Variants in ACTR3 observed in about 807,000 individuals in gnomAD.
ACTR3 encodes actin-related protein 3.
A neutral mutation model predicts 56.8 loss-of-function variants in ACTR3; 12 were observed. That is an observed-to-expected ratio of 0.21 (90% CI 0.14 to 0.34). The LOEUF (loss-of-function observed/expected upper bound fraction) is 0.34. ACTR3 is among the 10% of genes least tolerant of loss of function. The probability of loss-of-function intolerance (pLI) is 1.00; values close to 1 mark genes in which losing one functional copy is unlikely to be tolerated. For missense variants in ACTR3, 282 were observed against 512.5 expected, an observed-to-expected ratio of 0.55 and a Z score of 4.34; for synonymous variants, 162 against 167.4, an observed-to-expected ratio of 0.97 and a Z score of 0.25.
chr2:113,957,345 A>G lies in ACTR3; in HGVS notation c.1162-15A>G, dbSNP rs191610708. The G allele has an allele frequency of 2.5e-6, 4 of 1,597,908 alleles. No individual in the cohort carries two copies. Among genetic ancestry groups the G allele is most frequent in the Middle Eastern group, 1.7e-4 (1 of 6,022 alleles). On this transcript the variant is annotated splice_polypyrimidine_tract_variant and intron_variant, in intron 11 of 11. Coordinates refer to ENST00000263238, the MANE Select transcript of ACTR3 (RefSeq NM_005721.5). ...ATTTTTGACCCTTATAAAAATACATATTTTTTGTTTTCAGCCTGAGTTCTA... is the reference window on the plus strand; with the variant it reads ...ATTTTTGACCCTTATAAAAATACATGTTTTTTGTTTTCAGCCTGAGTTCTA...
chr2:113,912,102 C>T (rs1428989896), intron 1 of ACTR3, among the ~76,000 whole-genome samples: 1 of 152,124 alleles, frequency 6.6e-6, no homozygotes, highest in African/African-American at 2.4e-5. Flanking sequence ...TCTTGAACTC[C>T]TGACCTCAGG....
At chr2:113,916,744 CT>C (rs1211240130) in intron 2 of ACTR3, 139 bp from the exon 3 acceptor site, 4 of 628,826 alleles carry the variant, frequency 6.4e-6, no homozygotes, top group African/African-American at 1.9e-5. Context: ...TTTCTTATGA[CT>C]TTTGTGAATT....
rs1046963160 is a variant in ACTR3 at position 113,962,360 on chromosome 2, A to G, written c.*4905A>G. On this transcript the variant is annotated 3_prime_UTR_variant, in exon 12 of 12. Transcript: ENST00000263238. ...CATGTCCTGAAATGTAACATTCAAC[A>G]TTAACAGTAGAAACAGGCCTCATTT... is the stretch of plus-strand genomic sequence containing the variant. 6.6e-6 allele frequency: 1 copy of G among 151,992 alleles called. No homozygotes were observed. Among genetic ancestry groups the G allele is most frequent in the East Asian group, 1.9e-4 (1 of 5,198 alleles). The allele number at this position is 151,992 out of a possible 1,614,324, so 9.4% of individuals were successfully genotyped here.
Position 113,960,382 on chromosome 2 carries a change from A to G in ACTR3, c.*2927A>G, listed in dbSNP as rs1397452658. The G allele has an allele frequency of 1.3e-5, 2 of 151,866 alleles. No homozygotes were observed. Among genetic ancestry groups the G allele is most frequent in the East Asian group, 3.9e-4 (2 of 5,190 alleles). The allele number at this position is 151,866 out of a possible 1,614,324, so 9.4% of individuals were successfully genotyped here. A position where few individuals can be genotyped will look rare whatever the true frequency, so the allele number is the denominator to read the frequency against. Reference sequence around the variant, plus strand: ...TGTTTTCACAGCTACTTAAAAGATTAAAATAACTATTCTTGCAGATATTTC... The same window carrying G: ...TGTTTTCACAGCTACTTAAAAGATTGAAATAACTATTCTTGCAGATATTTC... On this transcript the variant is annotated 3_prime_UTR_variant, in exon 12 of 12. Transcript: ENST00000263238.
intron 1 of ACTR3, 30 bp downstream of exon 1, chr2:113,890,353 A>G: frequency 2.1e-6 from 3 of 1,438,644 alleles, no homozygotes; most frequent in Non-Finnish European, 2.8e-6. Context: ...GGGGTGGGGA[A>G]ACTGAGGCGG....
chr2:113,948,308 TCC>T (rs1465134532), intron 8 of ACTR3, among the ~76,000 whole-genome samples: 1 of 151,996 alleles, frequency 6.6e-6, no homozygotes, highest in Non-Finnish European at 1.5e-5. Context: ...TGCCACCACT[TCC>T]AGCTAATTTT....
At chr2:113,904,013 C>G (rs1055814974) in intron 1 of ACTR3, 1 of 152,118 alleles carries the variant, frequency 6.6e-6, no homozygotes, top group Non-Finnish European at 1.5e-5. Context: ...CCTGGCACTG[C>G]GCCCGGCTAA....
chr2:113,915,864 A>AT (rs1321720236), intron 2 of ACTR3, among the ~76,000 whole-genome samples: 2 of 152,198 alleles, frequency 1.3e-5, no homozygotes, highest in African/African-American at 4.8e-5. Flanking sequence ...CCCAGTTTTA[A>AT]TGCTGCAGGT....
In ACTR3 at chr2:113,909,243, A is replaced by G. The variant is rs547951263; in HGVS notation, c.45-3929A>G. On this transcript the variant is annotated intron_variant, in intron 1 of 11. Coordinates refer to ENST00000263238, the MANE Select transcript of ACTR3 (RefSeq NM_005721.5). ...ATGCATTTATTCTTGTGTTTTGAGA[A>G]GAGCATTTTTGTTTTGATTACATAT... is the stretch of plus-strand genomic sequence containing the variant. Among the ~76,000 whole-genome samples the G allele has an allele frequency of 2.0e-5, 3 of 152,294 alleles. No individual in the cohort carries two copies. In the South Asian group the frequency reaches 6.2e-4, roughly 32 times the overall value.
intron 1 of ACTR3, among the ~76,000 whole-genome samples, chr2:113,891,505 CAT>C (rs1284013127): frequency 2.7e-5 from 4 of 150,938 alleles, no homozygotes; most frequent in African/African-American, 9.7e-5. Context: ...TTCAGGATGA[CAT>C]ATAGGAAAGT....
intron 8 of ACTR3, chr2:113,950,747 A>G (rs575618978): frequency 6.6e-6 from 1 of 152,330 alleles, no homozygotes; most frequent in Admixed American, 6.5e-5. Flanking sequence ...TGGTATGTGC[A>G]TTTAAAATTT....
rs1574391423 is a variant in ACTR3 at position 113,961,193 on chromosome 2, A to C, written c.*3738A>C. The C allele has an allele frequency of 6.6e-6, 1 of 151,980 alleles. No homozygotes were observed. Among genetic ancestry groups the C allele is most frequent in the South Asian group, 2.1e-4 (1 of 4,830 alleles). 9.4% of individuals were successfully genotyped at this position (151,980 alleles called of 1,614,324 possible). A position where few individuals can be genotyped will look rare whatever the true frequency, so the allele number is the denominator to read the frequency against. ...TCTATGATATGAGAACTTTTATTATAATTTGCCTCAGTCTTGATAGAATCT... is the reference window on the plus strand; with the variant it reads ...TCTATGATATGAGAACTTTTATTATCATTTGCCTCAGTCTTGATAGAATCT... On this transcript the variant is annotated 3_prime_UTR_variant, in exon 12 of 12. Transcript: ENST00000263238.
intron 3 of ACTR3, among the ~76,000 whole-genome samples, chr2:113,926,343 G>A (rs1679619488): frequency 6.6e-6 from 1 of 152,154 alleles, no homozygotes; most frequent in South Asian, 2.1e-4. Flanking sequence ...CTGATGTTGA[G>A]TAACACTATA....
chr2:113,936,244 G>T (rs1182613055), intron 6 of ACTR3, among the ~76,000 whole-genome samples: 2 of 139,160 alleles, frequency 1.4e-5, no homozygotes, highest in South Asian at 4.8e-4. Flanking sequence ...AGTGAGCCAT[G>T]ATCTCACCAC....
chr2:113,933,657 T>C (rs1472379880), intron 5 of ACTR3, among the ~76,000 whole-genome samples: 1 of 151,082 alleles, frequency 6.6e-6, no homozygotes, highest in Non-Finnish European at 1.5e-5. Context: ...GTTTAAGTTC[T>C]GGCAAGTTAG....
At position 113,923,349 on chromosome 2, in the gene ACTR3, TG is replaced by T. The variant is rs558358371; in HGVS notation, c.226-3995del. ...TTGTTTGTTTGTTTGTTTGTTTGTT[TG>T]TTTTTGAGACGGAGCCTGGCTCTGT... On this transcript the variant is annotated intron_variant, in intron 3 of 11. Coordinates refer to ENST00000263238, the MANE Select transcript of ACTR3 (RefSeq NM_005721.5). Among the ~76,000 whole-genome samples the T allele has an allele frequency of 8.3e-3, 290 of 34,752 alleles. 2 individuals carry two copies. Among genetic ancestry groups the T allele is most frequent in the African/African-American group, 0.015 (279 of 18,224 alleles). 22.8% of individuals were successfully genotyped at this position (34,752 alleles called of 152,430 possible).
intron 7 of ACTR3, among the ~76,000 whole-genome samples, chr2:113,940,661 T>G (rs995003330): frequency 2.0e-5 from 3 of 152,092 alleles, no homozygotes; most frequent in Non-Finnish European, 2.9e-5. Context: ...TCTTTCAAAC[T>G]TATTATTTGC....
intron 11 of ACTR3, among the ~76,000 whole-genome samples, chr2:113,957,012 C>T (rs545075133): frequency 1.9e-3 from 288 of 152,256 alleles, no homozygotes; most frequent in Middle Eastern, 3.4e-3. Context: ...AGGCGAATGC[C>T]GCTTCTTTAC....
intron 8 of ACTR3, among the ~76,000 whole-genome samples, chr2:113,946,092 G>A (rs1028603889): frequency 2.0e-5 from 3 of 152,122 alleles, no homozygotes; most frequent in Admixed American, 1.3e-4. Context: ...GTGAAGTGCT[G>A]CAGTGAACAT....
Sources: gnomAD v4.1 joint callset for allele counts (sites outside exome capture counted in the v4.1 genomes callset) on GRCh38, gnomAD v4.1.1 for gene constraint, MANE v1.5 for transcripts, NCBI Gene and HGNC (gene_info 2026-07-23, HGNC 2026-07-21) for gene names.